The following NCKAP5 variants were observed in gnomAD, a reference collection of about 807,000 sequenced individuals.
The protein encoded by NCKAP5 is NCK associated protein 5, also known as nck-associated protein 5.
In NCKAP5, 92 loss-of-function variants were observed where a neutral mutation model predicts 167.0. That is an observed-to-expected ratio of 0.55 (90% CI 0.47 to 0.66). NCKAP5 has a LOEUF of 0.66. Among genes scored for constraint, NCKAP5 ranks in the 30% least tolerant of loss-of-function variants. The probability of loss-of-function intolerance (pLI) is 0.00; values close to 1 mark genes in which losing one functional copy is unlikely to be tolerated. For synonymous variants in NCKAP5, 891 were observed against 877.4 expected, an observed-to-expected ratio of 1.02 and a Z score of -0.27; for missense variants, 2,378 against 2,315.0, an observed-to-expected ratio of 1.03 and a Z score of -0.56.
chr2:132,700,496 T>C (rs1172191613), intron 19 of NCKAP5, among the ~76,000 whole-genome samples: 1 of 152,228 alleles, frequency 6.6e-6, no homozygotes, highest in African/African-American at 2.4e-5. Context: ...TGAATTAATT[T>C]TTGTATAAGG....
intron 8 of NCKAP5, among the ~76,000 whole-genome samples, chr2:132,910,824 A>T (rs1377282977): frequency 1.3e-5 from 2 of 152,186 alleles, no homozygotes; most frequent in Non-Finnish European, 2.9e-5. Context: ...TGGATTTGGA[A>T]ATGAGACTGT....
chr2:133,321,577 C>T (rs1176142324), intron 3 of NCKAP5, among the ~76,000 whole-genome samples: 1 of 152,164 alleles, frequency 6.6e-6, no homozygotes, highest in Non-Finnish European at 1.5e-5. Flanking sequence ...TTGAAGACTA[C>T]ATCTATCCCT....
At chr2:132,811,760 T>A (rs1487332569) in intron 11 of NCKAP5, among the ~76,000 whole-genome samples, 1 of 152,170 alleles carries the variant, frequency 6.6e-6, no homozygotes, top group Non-Finnish European at 1.5e-5. Flanking sequence ...AAACCAGATT[T>A]GTGCCCTCCT....
Position 133,397,958 on chromosome 2 carries a change from T to A in NCKAP5, c.70-94848A>T, listed in dbSNP as rs556486949. Among the ~76,000 whole-genome samples, 120 of 152,280 alleles carry A rather than the reference T, an allele frequency of 7.9e-4. 1 individual carries two copies. The highest frequency in any genetic ancestry group is 3.4e-3 in the Middle Eastern group (1 of 294). Reference sequence around the variant, plus strand: ...GTGAGAGATTGGTTTGGGGAGAATCTTTTGACAAGTCCTGTATTAAGGAGT... The same window carrying A: ...GTGAGAGATTGGTTTGGGGAGAATCATTTGACAAGTCCTGTATTAAGGAGT... On this transcript the variant is annotated intron_variant, in intron 3 of 19. Transcript: ENST00000409261.
intron 3 of NCKAP5, among the ~76,000 whole-genome samples, chr2:133,397,675 C>T (rs958161178): frequency 3.3e-5 from 5 of 152,114 alleles, no homozygotes; most frequent in African/African-American, 1.2e-4. Context: ...CAGGGTGTCC[C>T]CAAAACACAG....
At chr2:132,819,875 T>C (rs961729412) in intron 11 of NCKAP5, among the ~76,000 whole-genome samples, 5 of 152,356 alleles carry the variant, frequency 3.3e-5, no homozygotes, top group South Asian at 2.1e-4. Context: ...AAGGTTAATG[T>C]TGAACAAGCT....
At chr2:132,676,283 CTTTTTTTTTTTTTT>C (rs61213029) in intron 19 of NCKAP5, among the ~76,000 whole-genome samples, 9 of 61,136 alleles carry the variant, frequency 1.5e-4, no homozygotes, top group East Asian at 5.1e-4. Context: ...TTGTTTTATC[CTTTTTTTTTTTTTT>C]TTTTTTTTTT....
intron 2 of NCKAP5, among the ~76,000 whole-genome samples, chr2:133,541,710 C>CA (rs1315181689): frequency 6.6e-6 from 1 of 150,670 alleles, no homozygotes; most frequent in South Asian, 2.1e-4. Context: ...AAGAGTAAAA[C>CA]AAAAAAATTA....
chr2:132,758,481 A>C (rs141820010), intron 16 of NCKAP5, among the ~76,000 whole-genome samples: 26 of 152,348 alleles, frequency 1.7e-4, no homozygotes, highest in Non-Finnish European at 2.9e-4. Context: ...AACCACAGAC[A>C]GTTCAACCTA....
intron 4 of NCKAP5, among the ~76,000 whole-genome samples, chr2:133,299,474 C>T (rs552895282): frequency 7.2e-5 from 11 of 152,142 alleles, no homozygotes; most frequent in Admixed American, 3.3e-4. Flanking sequence ...GGGCCGGGCC[C>T]GGGGGCTCAC....
intron 11 of NCKAP5, among the ~76,000 whole-genome samples, chr2:132,843,063 G>A (rs1474280889): frequency 6.6e-6 from 1 of 151,952 alleles, no homozygotes; most frequent in Non-Finnish European, 1.5e-5. Context: ...CAGATAGTTG[G>A]CCTGTATAAT....
chr2:133,383,652 A>G (rs1048910978), intron 3 of NCKAP5, among the ~76,000 whole-genome samples: 2 of 152,222 alleles, frequency 1.3e-5, no homozygotes, highest in African/African-American at 4.8e-5. Context: ...TGTCTTCCAC[A>G]ATGGTTGAAC....
At chr2:132,966,682 C>T (rs542751930) in intron 7 of NCKAP5, among the ~76,000 whole-genome samples, 3 of 152,216 alleles carry the variant, frequency 2.0e-5, no homozygotes, top group South Asian at 2.1e-4. Context: ...TATTTAAAGA[C>T]ACCTTACATT....
chr2:132,795,933 G>A lies in NCKAP5; in HGVS notation c.909+695C>T, dbSNP rs777324919. 6.8e-5 allele frequency among the ~76,000 whole-genome samples: 10 copies of A among 147,708 alleles called. No individual in the cohort carries two copies. In the East Asian group the frequency reaches 9.9e-4, roughly 15 times the overall value. On this transcript the variant is annotated intron_variant, in intron 12 of 19. Coordinates refer to ENST00000409261, the MANE Select transcript of NCKAP5 (RefSeq NM_207363.3). ...AAAAAAAAAAAACTCCTGACTTTAC[G>A]GCTATATTATAGATTGGATGCCATT...
intron 6 of NCKAP5, among the ~76,000 whole-genome samples, chr2:133,090,835 C>T (rs1313320135): frequency 6.6e-6 from 1 of 152,100 alleles, no homozygotes; most frequent in African/African-American, 2.4e-5. Context: ...ATTTCAAACG[C>T]TCTACTCAGC....
Position 132,672,906 on chromosome 2 carries a change from G to T in NCKAP5, c.*383C>A. 1 of 958,138 alleles carries T rather than the reference G, an allele frequency of 1.0e-6. No individual in the cohort carries two copies. Among genetic ancestry groups the T allele is most frequent in the Non-Finnish European group, 1.2e-6 (1 of 803,810 alleles). 59.4% of individuals were successfully genotyped at this position (958,138 alleles called of 1,614,324 possible). On this transcript the variant is annotated 3_prime_UTR_variant, in exon 20 of 20. Coordinates refer to ENST00000409261, the MANE Select transcript of NCKAP5 (RefSeq NM_207363.3). ...GGGTTGCCTGCTGTGAATTTGACAA[G>T]GAAGGCTCTGGTACTGCAATAGTTT... is the stretch of plus-strand genomic sequence containing the variant.
chr2:133,276,723 C>A (rs1410171039), intron 4 of NCKAP5, among the ~76,000 whole-genome samples: 1 of 151,834 alleles, frequency 6.6e-6, no homozygotes. Context: ...ATTTAACCTG[C>A]AAAAGTCAGT....
chr2:132,878,117 G>C (rs375425195), intron 9 of NCKAP5, among the ~76,000 whole-genome samples: 1 of 152,208 alleles, frequency 6.6e-6, no homozygotes, highest in South Asian at 2.1e-4. Context: ...ATGCGTCGGT[G>C]ATTGGTGTGA....
At chr2:133,166,496 C>A (rs2084006389) in intron 5 of NCKAP5, among the ~76,000 whole-genome samples, 1 of 151,902 alleles carries the variant, frequency 6.6e-6, no homozygotes, top group Non-Finnish European at 1.5e-5. Context: ...GTTCTTTGTC[C>A]CTCTAGTGTA....
Sources: gnomAD v4.1 joint callset for allele counts (sites outside exome capture counted in the v4.1 genomes callset) on GRCh38, gnomAD v4.1.1 for gene constraint, MANE v1.5 for transcripts, NCBI Gene and HGNC (gene_info 2026-07-23, HGNC 2026-07-21) for gene names.